GATAD2B: variants seen among roughly 807,000 people sequenced by gnomAD.
GATAD2B encodes the protein GATA zinc finger domain containing 2B.
GATAD2B carries 8 observed loss-of-function variants against 64.3 expected under a neutral mutation model. That is an observed-to-expected ratio of 0.12 (90% confidence interval 0.07 to 0.22). GATAD2B has a LOEUF of 0.22. GATAD2B is among the 10% of genes least tolerant of loss of function. GATAD2B has a pLI of 1.00. For synonymous variants in GATAD2B, 281 were observed against 271.3 expected, an observed-to-expected ratio of 1.04 and a Z score of -0.35; for missense variants, 453 against 752.0, an observed-to-expected ratio of 0.60 and a Z score of 4.65.
At chr1:153,912,907 A>G (rs1446927039) in intron 1 of GATAD2B, among the ~76,000 whole-genome samples, 1 of 152,014 alleles carries the variant, frequency 6.6e-6, no homozygotes, top group Non-Finnish European at 1.5e-5. Context: ...AGCCTGGCCA[A>G]CATGGTGAAA....
At chr1:153,853,430 T>G (rs1182551030) in intron 1 of GATAD2B, 2 of 629,816 alleles carry the variant, frequency 3.2e-6, no homozygotes, top group Admixed American at 2.3e-5. Flanking sequence ...CCTGGAGAAA[T>G]AAATCAACGG....
chr1:153,844,053 A>G (rs916196375), intron 1 of GATAD2B, among the ~76,000 whole-genome samples: 1 of 152,160 alleles, frequency 6.6e-6, no homozygotes, highest in Non-Finnish European at 1.5e-5. Context: ...GAACATAATG[A>G]GATAATGGCA....
intron 1 of GATAD2B, among the ~76,000 whole-genome samples, chr1:153,860,585 T>C (rs1676246556): frequency 6.6e-6 from 1 of 152,070 alleles, no homozygotes. Context: ...TCCTCCCACC[T>C]TGGCCTCCCA....
chr1:153,894,327 G>T (rs1677513606), intron 1 of GATAD2B, among the ~76,000 whole-genome samples: 1 of 152,078 alleles, frequency 6.6e-6, no homozygotes, highest in Admixed American at 6.6e-5. Flanking sequence ...AATTAGCCAG[G>T]TGTGGTGGCA....
At position 153,867,839 on chromosome 1, in the gene GATAD2B, G is replaced by A. The variant is rs140890886; in HGVS notation, c.-1-39491C>T. ...GGTGCCACTGCACTCCATCCTTGGC[G>A]ACAGAGTGAGACTCCGTCTCAAAAA... On this transcript the variant is annotated intron_variant, in intron 1 of 10. Transcript: ENST00000368655. Among the ~76,000 whole-genome samples the A allele has an allele frequency of 2.0e-3, 304 of 151,848 alleles. 2 individuals carry two copies. The highest frequency in any genetic ancestry group is 6.9e-3 in the African/African-American group (284 of 41,428).
intron 1 of GATAD2B, among the ~76,000 whole-genome samples, chr1:153,906,385 C>A (rs1677939573): frequency 6.6e-6 from 1 of 152,154 alleles, no homozygotes; most frequent in Non-Finnish European, 1.5e-5. Context: ...TGCCACTGCA[C>A]TCCAGCCTGG....
intron 1 of GATAD2B, among the ~76,000 whole-genome samples, chr1:153,901,777 T>A (rs1455019142): frequency 6.6e-6 from 1 of 151,202 alleles, no homozygotes; most frequent in African/African-American, 2.4e-5. Flanking sequence ...TGAGCCACGA[T>A]CGTGCCACTG....
intron 1 of GATAD2B, among the ~76,000 whole-genome samples, chr1:153,886,091 T>C (rs552702730): frequency 2.0e-5 from 3 of 152,330 alleles, no homozygotes; most frequent in African/African-American, 7.2e-5. Context: ...AAAAACTCAG[T>C]AATATCATAA....
intron 1 of GATAD2B, among the ~76,000 whole-genome samples, chr1:153,916,887 C>A (rs1571012567): frequency 6.6e-6 from 1 of 152,286 alleles, no homozygotes; most frequent in East Asian, 1.9e-4. Context: ...CGGCTCACTG[C>A]AACCTCTGCC....
intron 1 of GATAD2B, among the ~76,000 whole-genome samples, chr1:153,885,145 C>T (rs1457645420): frequency 6.6e-6 from 1 of 152,102 alleles, no homozygotes; most frequent in Non-Finnish European, 1.5e-5. Context: ...CAATTAGAGG[C>T]TGGCTCCAAA....
At chr1:153,843,808 CACCACCA>C (rs1675582045) in intron 1 of GATAD2B, among the ~76,000 whole-genome samples, 1 of 116,586 alleles carries the variant, frequency 8.6e-6, no homozygotes, top group Admixed American at 9.5e-5. Flanking sequence ...GAACCACCAC[CACCACCA>C]AAAAAAAAAA....
chr1:153,876,600 T>C (rs1326945295), intron 1 of GATAD2B, among the ~76,000 whole-genome samples: 1 of 152,206 alleles, frequency 6.6e-6, no homozygotes, highest in African/African-American at 2.4e-5. Flanking sequence ...GTGTGCTGCC[T>C]AGAGGTAATG....
At position 153,813,313 on chromosome 1, in the gene GATAD2B, A is replaced by G; in HGVS notation, c.1356T>C (p.Ala452=). 1 of 1,614,156 alleles carries G rather than the reference A, an allele frequency of 6.2e-7. No homozygotes were observed. The highest frequency in any genetic ancestry group is 8.5e-7 in the Non-Finnish European group (1 of 1,180,014). ...EQCMTSNQKK[A]LKAEHTNRLK... is the part of the protein sequence containing the mutation. ...GCCGGTTGGTGTGTTCAGCTTTTAGAGCCTTTTTCTGGTTGGAGGTCATAC... is the reference window on the plus strand; with the variant it reads ...GCCGGTTGGTGTGTTCAGCTTTTAGGGCCTTTTTCTGGTTGGAGGTCATAC... Residue 452 remains alanine (A), a synonymous_variant, in exon 8 of 11, where the codon GCT becomes GCC. Transcript: ENST00000368655.
At chr1:153,878,968 T>C (rs544475214) in intron 1 of GATAD2B, among the ~76,000 whole-genome samples, 84 of 151,376 alleles carry the variant, frequency 5.5e-4, no homozygotes, top group Non-Finnish European at 8.7e-4. Context: ...TGAGACAGTC[T>C]TGCTCTGTCG....
chr1:153,888,892 T>C (rs1677266903), intron 1 of GATAD2B, among the ~76,000 whole-genome samples: 1 of 152,160 alleles, frequency 6.6e-6, no homozygotes, highest in Non-Finnish European at 1.5e-5. Context: ...GTTGCTCTTA[T>C]CTTTATCCTC....
At chr1:153,893,333 G>A (rs1468844400) in intron 1 of GATAD2B, among the ~76,000 whole-genome samples, 4 of 152,284 alleles carry the variant, frequency 2.6e-5, no homozygotes, top group South Asian at 2.1e-4. Flanking sequence ...AGCTGGGCAC[G>A]GGCCGGCTCA....
intron 1 of GATAD2B, among the ~76,000 whole-genome samples, chr1:153,856,884 G>C (rs1396708207): frequency 1.3e-5 from 2 of 152,140 alleles, no homozygotes; most frequent in Non-Finnish European, 2.9e-5. Flanking sequence ...AAGTAGCCTA[G>C]CCCTCCAGAT....
At chr1:153,916,381 GAC>G (rs1189260391) in intron 1 of GATAD2B, among the ~76,000 whole-genome samples, 4 of 152,104 alleles carry the variant, frequency 2.6e-5, no homozygotes, top group Non-Finnish European at 5.9e-5. Flanking sequence ...CAGCAATGGA[GAC>G]ACAGAAGAAG....
At chr1:153,830,045 A>C (rs554815419) in intron 1 of GATAD2B, among the ~76,000 whole-genome samples, 4 of 150,858 alleles carry the variant, frequency 2.7e-5, no homozygotes, top group African/African-American at 9.7e-5. Context: ...GCAGTGTGCC[A>C]AGATCACACC....
Sources: allele counts gnomAD v4.1 joint callset (sites outside exome capture counted in the v4.1 genomes callset), GRCh38; gene constraint gnomAD v4.1.1; transcripts MANE v1.5; gene names NCBI Gene and HGNC (gene_info 2026-07-23, HGNC 2026-07-21).